Variants in OFD1 observed in about 807,000 individuals in gnomAD.
OFD1 encodes OFD1 centriole and centriolar satellite protein, also known as centriole and centriolar satellite protein OFD1.
In OFD1, 12 loss-of-function variants were observed where a neutral mutation model predicts 81.4. The observed-to-expected ratio is 0.15, with a 90% CI of 0.09 to 0.24. OFD1 has a LOEUF of 0.24. OFD1 is among the 10% of genes least tolerant of loss of function. OFD1 has a pLI of 1.00. For missense variants in OFD1, 685 were observed against 733.9 expected, an observed-to-expected ratio of 0.93 and a Z score of 0.77; for synonymous variants, 256 against 263.7, an observed-to-expected ratio of 0.97 and a Z score of 0.28.
chrX:13,720,107 C>A, the OFD1 span: 2 of 460,524 alleles, frequency 4.3e-6, no homozygotes, highest in Non-Finnish European at 6.7e-6. Flanking sequence ...TGCTACTAAG[C>A]TTGGCAGTTT....
chrX:13,728,272 C>T, the OFD1 span, among the ~76,000 whole-genome samples: 1 of 111,767 alleles, frequency 8.9e-6, no homozygotes, highest in Non-Finnish European at 1.9e-5. Flanking sequence ...CATCCTGATA[C>T]CAAAGCCTAG....
intron 3 of OFD1, 62 bp downstream of exon 3, chrX:13,736,740 T>C: frequency 1.1e-6 from 1 of 888,338 alleles, no homozygotes; most frequent in Admixed American, 2.2e-5. Flanking sequence ...CTGCTGACAG[T>C]AAAGTGCTGT....
chrX:13,754,592 G>A (rs1163336076), intron 11 of OFD1, among the ~76,000 whole-genome samples: 2 of 109,130 alleles, frequency 1.8e-5, no homozygotes, highest in Non-Finnish European at 3.8e-5. Context: ...AATTTTTGTA[G>A]AGAGAGAGTT....
At chrX:13,739,255 G>T in intron 5 of OFD1, 25 of 233,185 alleles carry the variant, frequency 1.1e-4, no homozygotes, top group South Asian at 1.4e-4. Flanking sequence ...CAGGCTGAAA[G>T]ATACTGTTTG....
rs755327150 is a variant in OFD1 at position 13,762,064 on chromosome X, G to C, written c.2388-280G>C. On this transcript the variant is annotated intron_variant, in intron 17 of 22. Transcript: ENST00000340096. ...AATTTTTTTTCAGAAATGTTTTATG[G>C]TTATTTCCTAGGAATAGCATTCAGA... Among the ~76,000 whole-genome samples the C allele has an allele frequency of 4.5e-5, 5 of 110,491 alleles. No individual in the cohort carries two copies. The South Asian group carries it at 1.9e-3, about 42-fold the overall frequency.
At chrX:13,752,918 C>A in intron 10 of OFD1, 1 of 920,477 alleles carries the variant, frequency 1.1e-6, no homozygotes, top group South Asian at 2.4e-5. Flanking sequence ...AGTTGGCTCT[C>A]AGGACTGTGC....
upstream of OFD1, among the ~76,000 whole-genome samples, chrX:13,730,051 A>G (rs750181493): frequency 8.9e-6 from 1 of 112,325 alleles, no homozygotes; most frequent in African/African-American, 3.2e-5. Context: ...CAATGACAAC[A>G]AAAGCCAAAA....
intron 11 of OFD1, 40 bp from the exon 12 acceptor site, chrX:13,755,111 G>A (rs1285920759): frequency 2.0e-6 from 2 of 998,546 alleles, no homozygotes; most frequent in Admixed American, 2.2e-5. Context: ...TATTCACTAG[G>A]AAAACATTAT....
intron 13 of OFD1, 142 bp from the exon 14 acceptor site, chrX:13,757,518 T>G (rs879125229): frequency 4.6e-6 from 3 of 648,551 alleles, no homozygotes; most frequent in Non-Finnish European, 6.9e-6. Context: ...CTGAGCTCAT[T>G]TAATAGAATT....
At chrX:13,739,708 A>G (rs764395875) in intron 5 of OFD1, 20 of 365,459 alleles carry the variant, frequency 5.5e-5, no homozygotes, top group Non-Finnish European at 7.0e-5. Context: ...AGATCACGCC[A>G]TTGCACTCCT....
intron 15 of OFD1, 32 bp from the exon 16 acceptor site, chrX:13,760,079 CACTT>C (rs1462764462): frequency 3.3e-6 from 4 of 1,208,982 alleles, no homozygotes; most frequent in Admixed American, 2.2e-5. Flanking sequence ...CTGCCTTGTC[CACTT>C]ACTTCTGAAA....
intron 6 of OFD1, among the ~76,000 whole-genome samples, chrX:13,745,615 A>T (rs1440341181): frequency 8.9e-6 from 1 of 111,957 alleles, no homozygotes. Flanking sequence ...AACACTATCG[A>T]TGTTTTAATC....
intron 12 of OFD1, among the ~76,000 whole-genome samples, chrX:13,755,759 C>T (rs2047677351): frequency 9.0e-6 from 1 of 111,184 alleles, no homozygotes; most frequent in Admixed American, 9.6e-5. Context: ...TCTGTTCATT[C>T]GTGTGCTTGC....
At chrX:13,727,315 A>G in the OFD1 span, among the ~76,000 whole-genome samples, 1 of 112,265 alleles carries the variant, frequency 8.9e-6, no homozygotes, top group Non-Finnish European at 1.9e-5. Context: ...TCAGCACCAC[A>G]TTGCACTTAT....
chrX:13,716,214 C>G, the OFD1 span: 3 of 782,349 alleles, frequency 3.8e-6, no homozygotes, highest in Admixed American at 4.0e-5. Context: ...AATATATAAA[C>G]TGGGTTTAAA....
the OFD1 span, chrX:13,720,206 G>T: frequency 8.5e-6 from 2 of 234,133 alleles, no homozygotes; most frequent in Middle Eastern, 1.3e-3. Flanking sequence ...ATTTTCTTAA[G>T]TAAACTGGAA....
At chrX:13,716,168 T>C in the OFD1 span, 2 of 1,010,311 alleles carry the variant, frequency 2.0e-6, no homozygotes, top group Admixed American at 3.2e-5. Flanking sequence ...ATTCTTCAAA[T>C]TAGTCACATG....
upstream of OFD1, chrX:13,734,174 GAGA>G (rs1569093865): frequency 2.0e-6 from 1 of 500,812 alleles, no homozygotes; most frequent in Non-Finnish European, 3.6e-6. Context: ...ACACTTGGGG[GAGA>G]AGGTGATACT....
In OFD1 at chrX:13,767,227, C is replaced by A. The variant is rs770634301; in HGVS notation, c.2700C>A (p.Asn900Lys). The change falls in exon 20 of 23, where the codon AAC becomes AAA. Residue 900 changes from asparagine to lysine, a missense_variant. Coordinates refer to ENST00000340096, the MANE Select transcript of OFD1 (RefSeq NM_003611.3). The stretch of plus-strand genomic sequence containing the variant: ...AGAGAGAAGAAAGAAGGCAGAGTAA[C>A]CTACAAGAAGTTTTAGAAAGGGAAC... ...RRQREERRQS[N>K]LQEVLERERR... 2.3e-5 allele frequency: 28 copies of A among 1,209,033 alleles called. No homozygotes were observed. The highest frequency in any genetic ancestry group is 5.6e-6 in the Non-Finnish European group (5 of 894,227).
Sources: allele counts gnomAD v4.1 joint callset (sites outside exome capture counted in the v4.1 genomes callset), GRCh38; gene constraint gnomAD v4.1.1; transcripts MANE v1.5; gene names NCBI Gene and HGNC (gene_info 2026-07-23, HGNC 2026-07-21).